The following FAM89A variants were observed in gnomAD, a reference collection of about 807,000 sequenced individuals.
The protein encoded by FAM89A is protein FAM89A.
In FAM89A, 10 loss-of-function variants were observed where a neutral mutation model predicts 7.1. The observed-to-expected ratio is 1.40, with a 90% confidence interval of 0.86 to 2.38. The LOEUF (loss-of-function observed/expected upper bound fraction) is 2.38. Among genes scored for constraint, FAM89A ranks in the 30% most tolerant of loss-of-function variants. FAM89A has a pLI of 0.00. For synonymous variants in FAM89A, 157 were observed against 129.3 expected (o/e 1.21, Z -1.45); for missense variants, 276 against 262.8 (o/e 1.05, Z -0.35).
At chr1:231,030,216 C>A (rs1431633015) in intron 1 of FAM89A, among the ~76,000 whole-genome samples, 2 of 152,164 alleles carry the variant, frequency 1.3e-5, no homozygotes, top group Admixed American at 6.5e-5. Context: ...ATATTTTAGA[C>A]CTGCCAAGCT....
intron 1 of FAM89A, chr1:231,026,578 G>C (rs6668695): frequency 0.047 from 7,206 of 152,266 alleles, 206 homozygotes; most frequent in Middle Eastern, 0.1. Flanking sequence ...TTAATCTGAA[G>C]GTCATTTACT....
chr1:231,038,013 T>C (rs1468763947), intron 1 of FAM89A, among the ~76,000 whole-genome samples: 1 of 152,220 alleles, frequency 6.6e-6, no homozygotes, highest in East Asian at 1.9e-4. Context: ...AGTTCTTGTT[T>C]TGCAAGGCCT....
intron 1 of FAM89A, among the ~76,000 whole-genome samples, chr1:231,027,350 C>A (rs571112385): frequency 3.3e-5 from 5 of 152,338 alleles, no homozygotes; most frequent in African/African-American, 1.2e-4. Context: ...AGAAAGGAAT[C>A]CTGACCGCCT....
rs374542403 is a variant in FAM89A at position 231,021,480 on chromosome 1, G to A, written c.292-1354C>T. The A allele has an allele frequency of 8.5e-5, 53 of 623,334 alleles. 1 individual carries two copies. Among genetic ancestry groups the A allele is most frequent in the South Asian group, 8.1e-4 (41 of 50,638 alleles). The allele number at this position is 623,334 out of a possible 1,614,324, so 38.6% of individuals were successfully genotyped here. A position where few individuals can be genotyped will look rare whatever the true frequency, so the allele number is the denominator to read the frequency against. On this transcript the variant is annotated intron_variant, in intron 1 of 1. Transcript: ENST00000366654. ...CTTTAAAATACTGGAAATCTGTCCC[G>A]ATCCAAATTCTTTTGCAAGCCAGAT...
chr1:231,026,949 C>T (rs1679986275), intron 1 of FAM89A: 1 of 152,194 alleles, frequency 6.6e-6, no homozygotes, highest in Admixed American at 6.5e-5. Context: ...CTGAGTCCCT[C>T]TGACACCAGT....
At chr1:231,037,286 A>C (rs935224181) in intron 1 of FAM89A, among the ~76,000 whole-genome samples, 3 of 152,350 alleles carry the variant, frequency 2.0e-5, no homozygotes, top group Admixed American at 6.5e-5. Context: ...CTTACATTGC[A>C]CCTAACAGAA....
chr1:231,028,067 C>T (rs1373445268), intron 1 of FAM89A, among the ~76,000 whole-genome samples: 1 of 152,244 alleles, frequency 6.6e-6, no homozygotes, highest in East Asian at 1.9e-4. Context: ...GTGAAAACGC[C>T]TGGCTGCAGA....
At chr1:231,021,596 G>C (rs983604325) in intron 1 of FAM89A, 3 of 1,399,700 alleles carry the variant, frequency 2.1e-6, no homozygotes, top group Non-Finnish European at 3.0e-6. Flanking sequence ...GAAACGAAAG[G>C]CACCAAAGAG....
chr1:231,030,046 C>A (rs1305618355), intron 1 of FAM89A, among the ~76,000 whole-genome samples: 1 of 152,178 alleles, frequency 6.6e-6, no homozygotes, highest in African/African-American at 2.4e-5. Context: ...GCCCAGCTAC[C>A]CAAGCTTGAC....
intron 1 of FAM89A, chr1:231,026,561 C>T (rs1442835804): frequency 6.6e-6 from 1 of 152,266 alleles, no homozygotes; most frequent in African/African-American, 2.4e-5. Context: ...CTCCTAACTA[C>T]TACCCTTTAA....
At chr1:231,032,730 C>A (rs1409457714) in intron 1 of FAM89A, among the ~76,000 whole-genome samples, 1 of 152,108 alleles carries the variant, frequency 6.6e-6, no homozygotes, top group African/African-American at 2.4e-5. Flanking sequence ...CCTAAGAATA[C>A]ACTCGCTTTC....
At position 231,019,850 on chromosome 1, in the gene FAM89A, C is replaced by A; in HGVS notation, c.*13G>T. On this transcript the variant is annotated 3_prime_UTR_variant, in exon 2 of 2. Coordinates refer to ENST00000366654, the MANE Select transcript of FAM89A (RefSeq NM_198552.3). ...GAAGGGCTTCCCAACAGTCACATCC[C>A]TCCCAAGACCCTCTAGATGGACTCC... 1 of 1,610,778 alleles carries A rather than the reference C, an allele frequency of 6.2e-7. No individual in the cohort carries two copies. The highest frequency in any genetic ancestry group is 1.1e-5 in the South Asian group (1 of 90,826).
chr1:231,038,781 G>GA (rs11378044), intron 1 of FAM89A, among the ~76,000 whole-genome samples: 23,843 of 151,792 alleles, frequency 0.16, 2,378 homozygotes, highest in African/African-American at 0.29. Context: ...TAATGCTCCT[G>GA]AAAAAAAAGT....
Position 231,035,066 on chromosome 1 carries a change from C to G in FAM89A, c.291+4855G>C, listed in dbSNP as rs1572358382. On this transcript the variant is annotated intron_variant, in intron 1 of 1. Coordinates refer to ENST00000366654, the MANE Select transcript of FAM89A (RefSeq NM_198552.3). ...ATGGCACTTCATAGCCTGACTCAAT[C>G]ACAGCCTCTTAAAGACTAAAACTTC... 2.0e-5 allele frequency among the ~76,000 whole-genome samples: 3 copies of G among 152,184 alleles called. No homozygotes were observed. The East Asian group carries it at 5.8e-4, about 29-fold the overall frequency.
rs1679842446 is a variant in FAM89A at position 231,019,953 on chromosome 1, C to T, written c.465G>A (p.Leu155=). Residue 155 remains leucine (L), a synonymous_variant, in exon 2 of 2, where the codon CTG becomes CTA. Transcript: ENST00000366654. ...GAGGGCCTCGGTCCCTCCTGTCGTG[C>T]AGGGAGTTCTGCTCCTGGAAATATT... ...EEEYFQEQNS[L]HDRRDRGPPR... 6.2e-7 allele frequency: 1 copy of T among 1,614,056 alleles called. No individual in the cohort carries two copies. Among genetic ancestry groups the T allele is most frequent in the African/African-American group, 1.3e-5 (1 of 74,916 alleles).
chr1:231,019,808 G>C lies in FAM89A; in HGVS notation c.*55C>G, dbSNP rs371269528. ...TCTTGCAAGAGAAGCAGCAAATGAT[G>C]ACAGCGTGTCCAGTAGGAAGGGCTT... is the stretch of plus-strand genomic sequence containing the variant. On this transcript the variant is annotated 3_prime_UTR_variant, in exon 2 of 2. Transcript: ENST00000366654. The C allele has an allele frequency of 1.7e-3, 2,624 of 1,567,206 alleles. 6 individuals are homozygous for C. The highest frequency in any genetic ancestry group is 2.1e-3 in the Non-Finnish European group (2,397 of 1,151,506).
At chr1:231,032,225 A>T (rs139435553) in intron 1 of FAM89A, among the ~76,000 whole-genome samples, 4 of 152,226 alleles carry the variant, frequency 2.6e-5, no homozygotes, top group African/African-American at 9.6e-5. Context: ...TTATATTGCA[A>T]TTCTGCTTTG....
chr1:231,033,621 T>G (rs940656144), intron 1 of FAM89A, among the ~76,000 whole-genome samples: 1 of 152,042 alleles, frequency 6.6e-6, no homozygotes, highest in Non-Finnish European at 1.5e-5. Context: ...AATGAAGAGG[T>G]GCCCACACTG....
rs773664089 is a variant in FAM89A, at chr1:231,019,801, A to T, written c.*62T>A. 1.3e-5 allele frequency: 21 copies of T among 1,556,924 alleles called. No homozygotes were observed. The highest frequency in any genetic ancestry group is 1.7e-5 in the Non-Finnish European group (20 of 1,145,432). On this transcript the variant is annotated 3_prime_UTR_variant, in exon 2 of 2. Coordinates refer to ENST00000366654, the MANE Select transcript of FAM89A (RefSeq NM_198552.3). ...GGTGCTTTCTTGCAAGAGAAGCAGCAAATGATGACAGCGTGTCCAGTAGGA... is the reference window on the plus strand; with the variant it reads ...GGTGCTTTCTTGCAAGAGAAGCAGCTAATGATGACAGCGTGTCCAGTAGGA...
Sources: gnomAD v4.1 joint callset for allele counts (sites outside exome capture counted in the v4.1 genomes callset) on GRCh38, gnomAD v4.1.1 for gene constraint, MANE v1.5 for transcripts, NCBI Gene and HGNC (gene_info 2026-07-23, HGNC 2026-07-21) for gene names.